The following SLC15A1 variants were observed in gnomAD, a reference collection of about 807,000 sequenced individuals.
SLC15A1 encodes Caco-2 oligopeptide transporter.
SLC15A1 carries 83 observed loss-of-function variants against 92.9 expected under a neutral mutation model. The ratio of observed to expected loss-of-function variants is 0.89; its 90% confidence interval spans 0.75 to 1.07. The LOEUF is 1.07. SLC15A1 is among the 50% of genes least tolerant of loss of function. SLC15A1 has a pLI of 0.00. For missense variants in SLC15A1, 857 were observed against 880.1 expected, an observed-to-expected ratio of 0.97 and a Z score of 0.33; for synonymous variants, 322 against 318.2, an observed-to-expected ratio of 1.01 and a Z score of -0.13.
At chr13:98,729,365 C>T (rs940053073) in intron 1 of SLC15A1, among the ~76,000 whole-genome samples, 1 of 152,184 alleles carries the variant, frequency 6.6e-6, no homozygotes, top group Non-Finnish European at 1.5e-5. Context: ...GCAAGGCCTG[C>T]CTCTGTGGCT....
chr13:98,722,337 T>C (rs1385519419), intron 5 of SLC15A1, among the ~76,000 whole-genome samples: 1 of 152,202 alleles, frequency 6.6e-6, no homozygotes, highest in Non-Finnish European at 1.5e-5. Context: ...GGTTAGGTAG[T>C]ATGATCTCAG....
At chr13:98,700,888 T>C (rs2088061822) in intron 18 of SLC15A1, among the ~76,000 whole-genome samples, 1 of 152,342 alleles carries the variant, frequency 6.6e-6, no homozygotes, top group Non-Finnish European at 1.5e-5. Flanking sequence ...CATTCATGTA[T>C]GGGTCTATTT....
At chr13:98,702,373 A>G in intron 18 of SLC15A1, 107 bp downstream of exon 18, 1 of 826,452 alleles carries the variant, frequency 1.2e-6, no homozygotes, top group South Asian at 1.4e-5. Flanking sequence ...GCTGGGACAA[A>G]CCCTATAATC....
intron 1 of SLC15A1, among the ~76,000 whole-genome samples, chr13:98,731,565 C>T (rs1025539906): frequency 5.4e-5 from 8 of 147,768 alleles, no homozygotes; most frequent in Non-Finnish European, 1.2e-4. Context: ...GCTCTGAAAA[C>T]CCAAATCACC....
intron 1 of SLC15A1, among the ~76,000 whole-genome samples, chr13:98,733,999 G>A (rs567009823): frequency 6.6e-6 from 1 of 151,952 alleles, no homozygotes; most frequent in South Asian, 2.1e-4. Context: ...GGAGTCTCAC[G>A]CTGTTACCCA....
chr13:98,722,742 T>C (rs7325784), intron 5 of SLC15A1, among the ~76,000 whole-genome samples: 119,536 of 152,156 alleles, frequency 0.79, 47,307 homozygotes, highest in African/African-American at 0.87. Context: ...TAATCTTGTC[T>C]GCCTCTTAAT....
At chr13:98,708,851 C>G (rs943272992) in intron 14 of SLC15A1, 84 bp from the exon 15 acceptor site, 2 of 947,092 alleles carry the variant, frequency 2.1e-6, no homozygotes, top group Admixed American at 3.3e-5. Context: ...ATCCCCCCAA[C>G]AAAACTAAAT....
chr13:98,737,749 A>C (rs1403898471), intron 1 of SLC15A1, among the ~76,000 whole-genome samples: 1 of 152,238 alleles, frequency 6.6e-6, no homozygotes, highest in African/African-American at 2.4e-5. Flanking sequence ...AATGGTACTG[A>C]GGAATGGGTC....
rs970488043 is a variant in SLC15A1 at position 98,712,059 on chromosome 13, C to A, written c.811-116G>T. Reference sequence around the variant, plus strand: ...ACAGATATTTGCATCTAGAGGCAAGCTGGGAGGTGATTAATCCAAAACATA... The same window carrying A: ...ACAGATATTTGCATCTAGAGGCAAGATGGGAGGTGATTAATCCAAAACATA... On this transcript the variant is annotated intron_variant, in intron 10 of 22. Coordinates refer to ENST00000376503, the MANE Select transcript of SLC15A1 (RefSeq NM_005073.4). The A allele has an allele frequency of 1.8e-5, 13 of 735,096 alleles. No individual in the cohort carries two copies. In the African/African-American group the frequency reaches 2.3e-4, roughly 13 times the overall value. 45.5% of individuals were successfully genotyped at this position (735,096 alleles called of 1,614,324 possible). A position where few individuals can be genotyped will look rare whatever the true frequency, so the allele number is the denominator to read the frequency against.
chr13:98,715,819 A>T, intron 9 of SLC15A1, 59 bp downstream of exon 9: 3 of 1,345,302 alleles, frequency 2.2e-6, no homozygotes, highest in Non-Finnish European at 3.2e-6. Context: ...TAATTTAAAG[A>T]AAGTAGAAGG....
At chr13:98,708,813 T>C in intron 14 of SLC15A1, 46 bp from the exon 15 acceptor site, 2 of 1,467,874 alleles carry the variant, frequency 1.4e-6, no homozygotes, top group Non-Finnish European at 1.9e-6. Flanking sequence ...TTCACATAGA[T>C]GAGCTAAGCT....
Position 98,715,694 on chromosome 13 carries a change from A to G in SLC15A1, c.723+184T>C, listed in dbSNP as rs11842116. ...TTTTATAAGCTCAAGAGCCATTTCT[A>G]TTCTTCCCTTATTAAGTTCTGTTTG... On this transcript the variant is annotated intron_variant, in intron 9 of 22. Coordinates refer to ENST00000376503, the MANE Select transcript of SLC15A1 (RefSeq NM_005073.4). 7.2e-3 allele frequency among the ~76,000 whole-genome samples: 1,097 copies of G among 152,322 alleles called. 11 individuals carry two copies. The highest frequency in any genetic ancestry group is 0.041 in the Middle Eastern group (12 of 294).
At chr13:98,728,328 G>A (rs894048284) in intron 1 of SLC15A1, among the ~76,000 whole-genome samples, 4 of 152,028 alleles carry the variant, frequency 2.6e-5, no homozygotes, top group East Asian at 1.9e-4. Flanking sequence ...TTGGCTTTTC[G>A]AGGCCTTTTG....
At chr13:98,733,716 C>T (rs765204006) in intron 1 of SLC15A1, among the ~76,000 whole-genome samples, 4 of 152,212 alleles carry the variant, frequency 2.6e-5, no homozygotes, top group African/African-American at 4.8e-5. Flanking sequence ...ATCAGGAGAT[C>T]GAACCTCAGT....
chr13:98,723,164 G>A (rs543557138), intron 5 of SLC15A1, among the ~76,000 whole-genome samples: 1 of 152,148 alleles, frequency 6.6e-6, no homozygotes, highest in South Asian at 2.1e-4. Context: ...TCTGTGGGAG[G>A]GCTCACAGCC....
intron 1 of SLC15A1, among the ~76,000 whole-genome samples, chr13:98,741,597 G>A (rs1007918872): frequency 6.6e-6 from 1 of 152,050 alleles, no homozygotes; most frequent in South Asian, 2.1e-4. Context: ...GTAGCCACAT[G>A]CCTGTAATCC....
At position 98,704,327 on chromosome 13, in the gene SLC15A1, G is replaced by A. The variant is rs757075871; in HGVS notation, c.1378C>T (p.His460Tyr). 3.1e-6 allele frequency: 5 copies of A among 1,613,544 alleles called. No individual in the cohort carries two copies. The highest frequency in any genetic ancestry group is 4.2e-6 in the Non-Finnish European group (5 of 1,179,760). Residue 460 changes from histidine to tyrosine, a missense_variant, in exon 17 of 23, where the codon CAC (histidine) becomes TAC (tyrosine). Physicochemically the swap from His to Tyr is moderately conservative, Grantham distance 83. Transcript: ENST00000376503. The stretch of plus-strand genomic sequence containing the variant: ...TTGGGGGCCCACACTAGAAGCGTGT[G>A]GCGTTGGCCCTGCTTGAAGTCGTCA... The part of the protein sequence containing the change: ...VTDDFKQGQR[H>Y]TLLVWAPNHY...
At chr13:98,751,448 G>T (rs914300) in intron 1 of SLC15A1, among the ~76,000 whole-genome samples, 122,371 of 152,100 alleles carry the variant, frequency 0.8, 49,258 homozygotes, top group Non-Finnish European at 0.82. Context: ...AACAGAAATA[G>T]TTCAGAGCAC....
Position 98,684,166 on chromosome 13 carries a change from A to C in SLC15A1, c.*558T>G, listed in dbSNP as rs1189363081. 1 of 153,030 alleles carries C rather than the reference A, an allele frequency of 6.5e-6. No individual in the cohort carries two copies. Among genetic ancestry groups the C allele is most frequent in the African/African-American group, 2.4e-5 (1 of 41,460 alleles). The allele number at this position is 153,030 out of a possible 1,614,324, so 9.5% of individuals were successfully genotyped here. On this transcript the variant is annotated 3_prime_UTR_variant, in exon 23 of 23. Coordinates refer to ENST00000376503, the MANE Select transcript of SLC15A1 (RefSeq NM_005073.4). Reference sequence around the variant, plus strand: ...ATGTGGGGTGGGCTCACAGTACTCTAAGACAGTGTGTGTACGTGTGGCTTA... The same window carrying C: ...ATGTGGGGTGGGCTCACAGTACTCTCAGACAGTGTGTGTACGTGTGGCTTA...
Sources: allele counts gnomAD v4.1 joint callset (sites outside exome capture counted in the v4.1 genomes callset), GRCh38; gene constraint gnomAD v4.1.1; transcripts MANE v1.5; gene names NCBI Gene and HGNC (gene_info 2026-07-23, HGNC 2026-07-21).